PIWIL1: variants seen among roughly 807,000 people sequenced by gnomAD.
The protein encoded by PIWIL1 is piwi like RNA-mediated gene silencing 1, also known as piwi-like protein 1.
In PIWIL1, 73 loss-of-function variants were observed where a neutral mutation model predicts 114.4. That is an observed-to-expected ratio of 0.64 (90% confidence interval 0.53 to 0.78). The LOEUF is 0.78. Among genes scored for constraint, PIWIL1 ranks in the 30% least tolerant of loss-of-function variants. The probability of loss-of-function intolerance (pLI) is 0.00; values close to 1 mark genes in which losing one functional copy is unlikely to be tolerated. For missense variants in PIWIL1, 723 were observed against 1,063.1 expected (o/e 0.68, Z 4.45); for synonymous variants, 375 against 369.0 (o/e 1.02, Z -0.19).
the PIWIL1 span, chr12:130,414,038 G>T: frequency 1.4e-6 from 2 of 1,399,326 alleles, no homozygotes; most frequent in Non-Finnish European, 1.0e-6. Context: ...CCATCTCTAA[G>T]TCGATACCCT....
At chr12:130,397,352 G>A in the PIWIL1 span, 1 of 399,020 alleles carries the variant, frequency 2.5e-6, no homozygotes. Context: ...TTGTCCGGAA[G>A]CACATGAATC....
At chr12:130,422,881 A>AC in the PIWIL1 span, among the ~76,000 whole-genome samples, 5 of 151,180 alleles carry the variant, frequency 3.3e-5, no homozygotes, top group African/African-American at 1.2e-4. The surrounding 1 kb of genome is among the most constrained non-coding windows in gnomAD (Gnocchi z 5.2). Flanking sequence ...AATACATCCC[A>AC]CCCCGCCTTG....
At chr12:130,423,477 C>G in the PIWIL1 span, among the ~76,000 whole-genome samples, 4 of 151,820 alleles carry the variant, frequency 2.6e-5, no homozygotes, top group Non-Finnish European at 5.9e-5. Flanking sequence ...GCAAATGTTC[C>G]GAAAAGAGGA....
the PIWIL1 span, among the ~76,000 whole-genome samples, chr12:130,391,476 T>C: frequency 6.6e-6 from 1 of 152,178 alleles, no homozygotes; most frequent in Non-Finnish European, 1.5e-5. Flanking sequence ...TGTTTAACCC[T>C]TTCCTCCCCC....
At chr12:130,377,845 C>G in the PIWIL1 span, among the ~76,000 whole-genome samples, 11 of 152,222 alleles carry the variant, frequency 7.2e-5, no homozygotes, top group African/African-American at 1.9e-4. Context: ...TTTGCTCGCT[C>G]TCACCTTCCA....
At chr12:130,384,929 T>C in the PIWIL1 span, among the ~76,000 whole-genome samples, 9 of 152,206 alleles carry the variant, frequency 5.9e-5, no homozygotes, top group East Asian at 9.6e-4. Context: ...CATTTTCCAG[T>C]TTTTGTATTT....
At chr12:130,388,008 C>T in the PIWIL1 span, among the ~76,000 whole-genome samples, 3 of 152,272 alleles carry the variant, frequency 2.0e-5, no homozygotes, top group South Asian at 2.1e-4. Flanking sequence ...TAGAGTAGAG[C>T]GAGTTGATTT....
At chr12:130,346,830 T>G in intron 5 of PIWIL1, 111 bp from the exon 6 acceptor site, 1 of 1,380,594 alleles carries the variant, frequency 7.2e-7, no homozygotes, top group Non-Finnish European at 9.8e-7. Context: ...AAAAATCCAG[T>G]TAAAACATTT....
chr12:130,406,200 C>T, the PIWIL1 span: 8 of 1,600,306 alleles, frequency 5.0e-6, no homozygotes, highest in Non-Finnish European at 6.8e-6. Context: ...ATCAATTTCA[C>T]CAAAAACTGT....
intron 14 of PIWIL1, among the ~76,000 whole-genome samples, chr12:130,357,904 T>C (rs2136168060): frequency 6.6e-6 from 1 of 152,298 alleles, no homozygotes; most frequent in Admixed American, 6.5e-5. Context: ...TATGATTGCG[T>C]AATTACATGG....
intron 8 of PIWIL1, 130 bp downstream of exon 8, chr12:130,349,566 A>G (rs552824013): frequency 3.0e-6 from 2 of 662,456 alleles, no homozygotes; most frequent in Non-Finnish European, 5.1e-6. Context: ...GGGTGAGGGT[A>G]TTTTTCAGCT....
the PIWIL1 span, chr12:130,396,173 C>CACTA: frequency 1.0e-4 from 16 of 152,576 alleles, no homozygotes; most frequent in South Asian, 8.3e-4. Context: ...AAATATTTTA[C>CACTA]ACTAACTGTG....
At chr12:130,349,163 G>A (rs2073149489) in intron 7 of PIWIL1, 76 bp from the exon 8 acceptor site, 7 of 1,052,946 alleles carry the variant, frequency 6.6e-6, no homozygotes, top group Non-Finnish European at 4.3e-6. Context: ...GTTAATAAAA[G>A]TGAAAACGCA....
In PIWIL1 at chr12:130,371,883, ACT is replaced by A. The variant is rs753366146; in HGVS notation, c.*290_*291del. The A allele has an allele frequency of 2.2e-4, 45 of 200,510 alleles. No homozygotes were observed. The highest frequency in any genetic ancestry group is 3.8e-4 in the Non-Finnish European group (38 of 99,484). 12.4% of individuals were successfully genotyped at this position (200,510 alleles called of 1,614,324 possible). On this transcript the variant is annotated 3_prime_UTR_variant, in exon 21 of 21. Transcript: ENST00000245255. ...TAAGATACTTGGTAGTATAAAACAG[ACT>A]CTCTGAGAGTATTTGAAATGTGTTT... is the stretch of plus-strand genomic sequence containing the variant.
Position 130,338,064 on chromosome 12 carries a change from G to T in PIWIL1, c.-95G>T. The stretch of plus-strand genomic sequence containing the variant: ...GGTCCTGGGAGGTCGGCGGCGCGGA[G>T]GGATCTCCGCGGGAGCCGTTGGGGC... On this transcript the variant is annotated 5_prime_UTR_variant, in exon 1 of 21. It adds an upstream start codon to the 5' untranslated region. Transcript: ENST00000245255. The T allele has an allele frequency of 5.4e-6, 1 of 183,916 alleles. No homozygotes were observed. Among genetic ancestry groups the T allele is most frequent in the Non-Finnish European group, 1.1e-5 (1 of 88,726 alleles). The allele number at this position is 183,916 out of a possible 1,614,324, so 11.4% of individuals were successfully genotyped here.
intron 11 of PIWIL1, among the ~76,000 whole-genome samples, chr12:130,355,271 T>G (rs2073332895): frequency 6.6e-6 from 1 of 152,230 alleles, no homozygotes; most frequent in Admixed American, 6.5e-5. Context: ...AAGGGGATGT[T>G]TCTGGTCAAA....
the PIWIL1 span, among the ~76,000 whole-genome samples, chr12:130,389,056 T>C: frequency 1.3e-5 from 2 of 152,168 alleles, no homozygotes; most frequent in Non-Finnish European, 2.9e-5. Flanking sequence ...TCTATATCTA[T>C]TGAGATGATA....
chr12:130,365,818 C>T (rs956706497), intron 18 of PIWIL1, among the ~76,000 whole-genome samples: 1 of 152,224 alleles, frequency 6.6e-6, no homozygotes, highest in African/African-American at 2.4e-5. Context: ...CTATGCTGAA[C>T]TTAATCTCTG....
At chr12:130,396,800 C>G in the PIWIL1 span, 1 of 152,596 alleles carries the variant, frequency 6.6e-6, no homozygotes. Flanking sequence ...AAATGCACAG[C>G]CTGTACAACT....
Sources: gnomAD v4.1 joint callset for allele counts (sites outside exome capture counted in the v4.1 genomes callset) on GRCh38, gnomAD v4.1.1 for gene constraint, Gnocchi (gnomAD v3.1) non-coding constraint, MANE v1.5 for transcripts, NCBI Gene and HGNC (gene_info 2026-07-23, HGNC 2026-07-21) for gene names.